The following AHI1 variants were observed in gnomAD, a reference collection of about 807,000 sequenced individuals.
The protein encoded by AHI1 is Abelson helper integration site 1, also known as jouberin.
AHI1 carries 123 observed loss-of-function variants against 149.3 expected under a neutral mutation model. The observed-to-expected ratio is 0.82, with a 90% confidence interval of 0.71 to 0.96. The LOEUF (loss-of-function observed/expected upper bound fraction) is 0.96. AHI1 is among the 40% of genes least tolerant of loss of function. The probability of loss-of-function intolerance (pLI) is 0.00; values close to 1 mark genes in which losing one functional copy is unlikely to be tolerated. For missense variants in AHI1, 1,439 were observed against 1,422.7 expected (o/e 1.01, Z -0.18); for synonymous variants, 475 against 459.8 (o/e 1.03, Z -0.42).
At chr6:135,359,892 A>T (rs769175819) in intron 23 of AHI1, among the ~76,000 whole-genome samples, 6 of 152,268 alleles carry the variant, frequency 3.9e-5, no homozygotes, top group Non-Finnish European at 7.4e-5. Flanking sequence ...TACAATACCA[A>T]GAAAAAAACA....
chr6:135,396,319 A>G (rs1431928522), intron 22 of AHI1, among the ~76,000 whole-genome samples: 1 of 151,836 alleles, frequency 6.6e-6, no homozygotes, highest in African/African-American at 2.4e-5. Context: ...AACTCATTTG[A>G]TATCTTTGAG....
At chr6:135,349,827 T>C (rs1209802650) in intron 24 of AHI1, among the ~76,000 whole-genome samples, 2 of 152,218 alleles carry the variant, frequency 1.3e-5, no homozygotes, top group African/African-American at 4.8e-5. Context: ...TTTCAACTTT[T>C]GTCATTCTAG....
chr6:135,402,894 T>G (rs1461209597), intron 22 of AHI1, among the ~76,000 whole-genome samples: 1 of 151,846 alleles, frequency 6.6e-6, no homozygotes, highest in African/African-American at 2.4e-5. Flanking sequence ...TGAGTACTTA[T>G]TTTTTTGGGG....
chr6:135,438,619 CAT>C, intron 14 of AHI1, 121 bp from the exon 15 acceptor site: 1 of 761,896 alleles, frequency 1.3e-6, no homozygotes, highest in East Asian at 3.6e-5. Context: ...TAACCAAAGA[CAT>C]TTGCAGCACA....
At chr6:135,325,205 T>G (rs760539365) in intron 24 of AHI1, among the ~76,000 whole-genome samples, 2 of 152,158 alleles carry the variant, frequency 1.3e-5, no homozygotes, top group Non-Finnish European at 2.9e-5. Context: ...TTTTGTATTT[T>G]TAGTAGAGAC....
intron 24 of AHI1, among the ~76,000 whole-genome samples, chr6:135,355,595 A>G (rs1374914295): frequency 6.6e-6 from 1 of 152,170 alleles, no homozygotes; most frequent in Admixed American, 6.5e-5. Context: ...TAGAATTCCA[A>G]CTTGGAATGT....
intron 23 of AHI1, among the ~76,000 whole-genome samples, chr6:135,393,179 A>C (rs1363312876): frequency 6.6e-6 from 1 of 151,990 alleles, no homozygotes; most frequent in African/African-American, 2.4e-5. Context: ...CCTTTATCAT[A>C]TCCCTCTTTC....
intron 8 of AHI1, among the ~76,000 whole-genome samples, chr6:135,461,712 T>A (rs1789918038): frequency 6.6e-6 from 1 of 151,932 alleles, no homozygotes; most frequent in Admixed American, 6.6e-5. Flanking sequence ...TGTGGTATAT[T>A]CACACAATGG....
chr6:135,315,225 C>T (rs753120421), intron 26 of AHI1, among the ~76,000 whole-genome samples: 1 of 152,168 alleles, frequency 6.6e-6, no homozygotes, highest in Non-Finnish European at 1.5e-5. Context: ...ATAACATGTT[C>T]CTCAATTTCA....
chr6:135,413,362 C>G (rs1323004640), intron 20 of AHI1, among the ~76,000 whole-genome samples: 2 of 151,174 alleles, frequency 1.3e-5, no homozygotes, highest in African/African-American at 2.4e-5. Flanking sequence ...ACTACCACAA[C>G]AAAAATTAAA....
chr6:135,409,407 T>C (rs1164638704), intron 21 of AHI1, among the ~76,000 whole-genome samples: 1 of 151,616 alleles, frequency 6.6e-6, no homozygotes, highest in Non-Finnish European at 1.5e-5. Context: ...ATTTCCCTAG[T>C]TTTTAAAAAG....
At chr6:135,420,576 G>A (rs752553065) in intron 20 of AHI1, among the ~76,000 whole-genome samples, 8 of 152,030 alleles carry the variant, frequency 5.3e-5, no homozygotes, top group Non-Finnish European at 7.4e-5. Context: ...TTATGGAGAC[G>A]GTTACCTTCC....
intron 23 of AHI1, among the ~76,000 whole-genome samples, chr6:135,370,619 T>G (rs1428385801): frequency 6.6e-6 from 1 of 152,252 alleles, no homozygotes; most frequent in African/African-American, 2.4e-5. Flanking sequence ...TACTTCTTTA[T>G]GCAGTAGGGT....
chr6:135,372,616 G>T (rs1775242316), intron 23 of AHI1, among the ~76,000 whole-genome samples: 1 of 152,146 alleles, frequency 6.6e-6, no homozygotes, highest in South Asian at 2.1e-4. Flanking sequence ...GGAGGTCAAG[G>T]CTTCAGTGAG....
At chr6:135,362,446 ACT>A (rs1794048065) in intron 23 of AHI1, among the ~76,000 whole-genome samples, 1 of 152,136 alleles carries the variant, frequency 6.6e-6, no homozygotes, top group Non-Finnish European at 1.5e-5. Flanking sequence ...GAATCTCCAC[ACT>A]GTTTTCCATA....
chr6:135,340,431 G>T (rs1329815790), intron 24 of AHI1, among the ~76,000 whole-genome samples: 1 of 150,998 alleles, frequency 6.6e-6, no homozygotes, highest in Non-Finnish European at 1.5e-5. Context: ...CAGTGTCCTG[G>T]GTTACTGAAA....
At chr6:135,398,712 C>T (rs1379441068) in intron 22 of AHI1, among the ~76,000 whole-genome samples, 1 of 152,122 alleles carries the variant, frequency 6.6e-6, no homozygotes, top group Non-Finnish European at 1.5e-5. Context: ...AGTTCACTGC[C>T]TTGCTTCACA....
chr6:135,328,767 G>A (rs886103659), intron 24 of AHI1, among the ~76,000 whole-genome samples: 2 of 152,092 alleles, frequency 1.3e-5, no homozygotes, highest in African/African-American at 4.8e-5. Context: ...GTAGAAAGCT[G>A]ATAGAAGCAA....
intron 23 of AHI1, among the ~76,000 whole-genome samples, chr6:135,383,389 T>C (rs925215449): frequency 2.6e-5 from 4 of 151,720 alleles, no homozygotes; most frequent in African/African-American, 9.7e-5. Flanking sequence ...GTGCCACCAC[T>C]CCTGGATAAT....
Sources: gnomAD v4.1 joint callset for allele counts (sites outside exome capture counted in the v4.1 genomes callset) on GRCh38, gnomAD v4.1.1 for gene constraint, MANE v1.5 for transcripts, NCBI Gene and HGNC (gene_info 2026-07-23, HGNC 2026-07-21) for gene names.